The following PAK1 variants were observed in gnomAD, a reference collection of about 807,000 sequenced individuals.
PAK1 encodes the protein serine/threonine-protein kinase PAK 1.
PAK1 carries 29 observed loss-of-function variants against 67.4 expected under a neutral mutation model. The ratio of observed to expected loss-of-function variants is 0.43; its 90% CI spans 0.32 to 0.59. The LOEUF is 0.59. Ranked by LOEUF, PAK1 falls within the 20% of genes least tolerant of loss-of-function variation. The pLI is 0.07. For synonymous variants in PAK1, 223 were observed against 237.4 expected (o/e 0.94, Z 0.56); for missense variants, 337 against 670.7 (o/e 0.50, Z 5.50).
At chr11:77,526,450 G>A in the PAK1 span, among the ~76,000 whole-genome samples, 4 of 152,198 alleles carry the variant, frequency 2.6e-5, no homozygotes, top group Non-Finnish European at 5.9e-5. Flanking sequence ...AAAGGCATAA[G>A]AGTAACATTG....
At chr11:77,391,409 TA>T (rs1211065550) in intron 2 of PAK1, among the ~76,000 whole-genome samples, 2 of 152,306 alleles carry the variant, frequency 1.3e-5, no homozygotes, top group East Asian at 3.9e-4. Context: ...GGAAACTAAA[TA>T]AAGGTCAAAG....
intron 1 of PAK1, among the ~76,000 whole-genome samples, chr11:77,472,335 A>T (rs1305012917): frequency 6.6e-6 from 1 of 152,152 alleles, no homozygotes; most frequent in Non-Finnish European, 1.5e-5. Flanking sequence ...TATGCACCTG[A>T]CTTAGAATTT....
At chr11:77,325,307 A>G (rs755863496) in intron 14 of PAK1, 22 of 1,613,856 alleles carry the variant, frequency 1.4e-5, no homozygotes, top group Non-Finnish European at 1.9e-5. Flanking sequence ...AACAGGCTGA[A>G]ATCCTGGATC....
intron 1 of PAK1, among the ~76,000 whole-genome samples, chr11:77,403,440 G>A (rs975277534): frequency 6.6e-6 from 1 of 152,186 alleles, no homozygotes; most frequent in African/African-American, 2.4e-5. Context: ...TCACCAAAAT[G>A]TGCAACAATT....
chr11:77,455,129 T>G (rs1303364655), intron 1 of PAK1, among the ~76,000 whole-genome samples: 1 of 152,124 alleles, frequency 6.6e-6, no homozygotes, highest in Non-Finnish European at 1.5e-5. Context: ...AACGTCAACA[T>G]GATTTAAGCC....
At chr11:77,340,607 G>A (rs755247088) in intron 11 of PAK1, 39 bp downstream of exon 11, 1 of 978,336 alleles carries the variant, frequency 1.0e-6, no homozygotes, top group South Asian at 1.3e-5. Flanking sequence ...GAATATGGAG[G>A]CAGCTTTCTA....
chr11:77,399,858 CAAAAAAAAAAAAA>C (rs34662738), intron 1 of PAK1, among the ~76,000 whole-genome samples: 4 of 42,362 alleles, frequency 9.4e-5, no homozygotes, highest in South Asian at 1.5e-3. Flanking sequence ...GACTCCGTCT[CAAAAAAAAAAAAA>C]AAAAAAAAAA....
At chr11:77,416,369 A>G (rs774107525) in intron 1 of PAK1, among the ~76,000 whole-genome samples, 1 of 152,182 alleles carries the variant, frequency 6.6e-6, no homozygotes, top group Non-Finnish European at 1.5e-5. Context: ...CAGGACTGTC[A>G]ACATTAGTGT....
At chr11:77,432,638 G>A (rs907247017) in intron 1 of PAK1, among the ~76,000 whole-genome samples, 2 of 151,954 alleles carry the variant, frequency 1.3e-5, no homozygotes, top group Non-Finnish European at 2.9e-5. Flanking sequence ...TGCCTAGGTG[G>A]CGGAATGAGA....
intron 14 of PAK1, among the ~76,000 whole-genome samples, chr11:77,330,547 T>C (rs1166143731): frequency 1.3e-5 from 2 of 152,344 alleles, no homozygotes; most frequent in African/African-American, 2.4e-5. Flanking sequence ...GGATTCCCTA[T>C]TTAATAAATG....
At chr11:77,446,793 G>A (rs1956630625) in intron 1 of PAK1, among the ~76,000 whole-genome samples, 1 of 151,744 alleles carries the variant, frequency 6.6e-6, no homozygotes, top group Non-Finnish European at 1.5e-5. Context: ...CTATAAAAGA[G>A]GTATGAACCT....
chr11:77,433,827 A>G (rs1209542127), intron 1 of PAK1, among the ~76,000 whole-genome samples: 5 of 152,212 alleles, frequency 3.3e-5, no homozygotes, highest in African/African-American at 1.2e-4. Context: ...AAATGGACAA[A>G]GGCTCTAAAT....
chr11:77,407,249 T>C (rs144688028), intron 1 of PAK1, among the ~76,000 whole-genome samples: 2 of 152,290 alleles, frequency 1.3e-5, no homozygotes, highest in Non-Finnish European at 2.9e-5. Flanking sequence ...AAAGTATCTT[T>C]TATAATTGCC....
upstream of PAK1, chr11:77,476,948 C>T (rs1361541998): frequency 6.6e-6 from 1 of 152,050 alleles, no homozygotes; most frequent in Non-Finnish European, 1.5e-5. Context: ...CGCCATTGCA[C>T]TTAAGCCTAG....
chr11:77,471,520 G>A (rs1293689043), intron 1 of PAK1, among the ~76,000 whole-genome samples: 1 of 152,154 alleles, frequency 6.6e-6, no homozygotes, highest in Non-Finnish European at 1.5e-5. Flanking sequence ...CATCCCAGAG[G>A]CCCAACAAGG....
chr11:77,380,296 C>G (rs1212950997), intron 2 of PAK1, among the ~76,000 whole-genome samples: 7 of 152,100 alleles, frequency 4.6e-5, no homozygotes, highest in African/African-American at 1.4e-4. Flanking sequence ...GAGTTCAAGA[C>G]CAGCCTAGGC....
intron 1 of PAK1, among the ~76,000 whole-genome samples, chr11:77,394,744 C>G (rs929708238): frequency 1.3e-5 from 2 of 152,246 alleles, no homozygotes; most frequent in Middle Eastern, 3.4e-3. Flanking sequence ...ACTCAGGAGG[C>G]TGAGGGAGGA....
At chr11:77,459,138 T>A (rs1414876479) in intron 1 of PAK1, among the ~76,000 whole-genome samples, 1 of 152,158 alleles carries the variant, frequency 6.6e-6, no homozygotes, top group Non-Finnish European at 1.5e-5. Context: ...TTAGAAGAGA[T>A]GATGCTGAAG....
At chr11:77,409,357 T>C (rs1954146287) in intron 1 of PAK1, among the ~76,000 whole-genome samples, 2 of 151,910 alleles carry the variant, frequency 1.3e-5, no homozygotes, top group African/African-American at 4.8e-5. Context: ...TTGGTGAAAA[T>C]GTAAATTAGT....
Sources: gnomAD v4.1 joint callset for allele counts (sites outside exome capture counted in the v4.1 genomes callset) on GRCh38, gnomAD v4.1.1 for gene constraint, MANE v1.5 for transcripts, NCBI Gene and HGNC (gene_info 2026-07-23, HGNC 2026-07-21) for gene names.